The following ADRA1A variants were observed in gnomAD, a reference collection of about 807,000 sequenced individuals.
ADRA1A encodes the protein alpha-1A adrenergic receptor.
A neutral mutation model predicts 29.6 loss-of-function variants in ADRA1A; 31 were observed. The ratio of observed to expected loss-of-function variants is 1.05; its 90% CI spans 0.79 to 1.41. ADRA1A has a LOEUF of 1.41. Among genes scored for constraint, ADRA1A ranks in the 40% most tolerant of loss-of-function variants. ADRA1A has a pLI of 0.00. For synonymous variants in ADRA1A, 311 were observed against 254.3 expected, an observed-to-expected ratio of 1.22 and a Z score of -2.12; for missense variants, 619 against 601.1, an observed-to-expected ratio of 1.03 and a Z score of -0.31.
Position 26,864,318 on chromosome 8 carries a change from G to C in ADRA1A, c.652C>G (p.Leu218Val), listed in dbSNP as rs766542151. ...TTGTCGGTCTTGAGGCCAGACTTGA[G>C]GCCCCGGCTCTCCCTCTTGGCCACC... The part of the protein sequence containing the change: ...YVVAKRESRG[L>V]KSGLKTDKSD... Residue 218 changes from leucine to valine, a missense_variant, in exon 2 of 3, where the codon CTC (leucine) becomes GTC (valine). Physicochemically the swap from Leu to Val is conservative, Grantham distance 32. Transcript: ENST00000380573. The surrounding 1 kb of genome is among the most constrained non-coding windows in gnomAD (Gnocchi z 8.1). 8 of 1,614,088 alleles carry C rather than the reference G, an allele frequency of 5.0e-6. No homozygotes were observed. The highest frequency in any genetic ancestry group is 6.8e-6 in the Non-Finnish European group (8 of 1,180,020).
chr8:26,758,671 C>T (rs1195600149), intron 2 of ADRA1A, among the ~76,000 whole-genome samples: 1 of 152,204 alleles, frequency 6.6e-6, no homozygotes, highest in Non-Finnish European at 1.5e-5. Flanking sequence ...CATCGGTCTT[C>T]TCTCAACACC....
chr8:26,834,752 T>C lies in ADRA1A; in HGVS notation c.883+29335A>G, dbSNP rs579725. 2.3e-3 allele frequency among the ~76,000 whole-genome samples: 349 copies of C among 152,332 alleles called. 2 individuals are homozygous for C. The highest frequency in any genetic ancestry group is 7.7e-3 in the African/African-American group (319 of 41,572). On this transcript the variant is annotated intron_variant, in intron 2 of 2. Coordinates refer to ENST00000380573, the MANE Select transcript of ADRA1A (RefSeq NM_000680.4). ...AGAGTATCAAAGCATGTCCTCTGGC[T>C]GGGTCTACAGGACACCAACATCTGG...
intron 2 of ADRA1A, among the ~76,000 whole-genome samples, chr8:26,811,087 T>C (rs1809349409): frequency 6.6e-6 from 1 of 152,196 alleles, no homozygotes; most frequent in Non-Finnish European, 1.5e-5. Context: ...AGATGAACCT[T>C]GGGTGCATTT....
chr8:26,826,996 C>G (rs1052063076), intron 2 of ADRA1A, among the ~76,000 whole-genome samples: 3 of 152,156 alleles, frequency 2.0e-5, no homozygotes, highest in Non-Finnish European at 4.4e-5. Context: ...TATGATTGTG[C>G]CCGTTCTGCA....
chr8:26,822,228 T>C (rs930022328), intron 2 of ADRA1A, among the ~76,000 whole-genome samples: 24 of 152,232 alleles, frequency 1.6e-4, no homozygotes, highest in Non-Finnish European at 3.1e-4. Context: ...AACCAAGAGA[T>C]ATCCACCACT....
At chr8:26,780,202 C>A (rs1259793808) in intron 2 of ADRA1A, among the ~76,000 whole-genome samples, 1 of 152,146 alleles carries the variant, frequency 6.6e-6, no homozygotes, top group Non-Finnish European at 1.5e-5. Flanking sequence ...TTAGCACCTG[C>A]TCAGGCCAGG....
chr8:26,756,733 C>T (rs1805191292), exon 3 of ADRA1A: 1 of 1,614,044 alleles, frequency 6.2e-7, no homozygotes, highest in African/African-American at 1.3e-5. Context: ...GCAGTAAGGA[C>T]AACAGTCGTG....
chr8:26,789,509 T>C (rs981758933), intron 2 of ADRA1A, among the ~76,000 whole-genome samples: 18 of 152,066 alleles, frequency 1.2e-4, no homozygotes, highest in Non-Finnish European at 2.5e-4. Flanking sequence ...ATATAAAAAT[T>C]CACCAAAACA....
chr8:26,864,623 C>T lies in ADRA1A; in HGVS notation c.347G>A (p.Gly116Asp). The change falls in exon 2 of 3, where the codon GGC becomes GAC. Residue 116 changes from glycine (G) to aspartate (D), a missense_variant. Coordinates refer to ENST00000380573, the MANE Select transcript of ADRA1A (RefSeq NM_000680.4). This position sits in a 1 kb window ranked among gnomAD's most constrained non-coding sequence, Gnocchi z 8.1. ...GCGGTCGATGGAGATGATGCAGAGG[C>T]CCATGATGGACGCGGTGCAGCACAG... is the stretch of plus-strand genomic sequence containing the variant. ...DVLCCTASIM[G>D]LCIISIDRYI... The T allele has an allele frequency of 3.1e-6, 5 of 1,614,142 alleles. No homozygotes were observed. In the South Asian group the frequency reaches 4.4e-5, roughly 14 times the overall value.
rs1388185590 is a variant in ADRA1A, at chr8:26,866,199, G to T, written c.-686-544C>A. 6.6e-6 allele frequency among the ~76,000 whole-genome samples: 1 copy of T among 152,198 alleles called. No individual in the cohort carries two copies. The highest frequency in any genetic ancestry group is 2.4e-5 in the African/African-American group (1 of 41,458). Reference sequence around the variant, plus strand: ...GCCGGTGGAATTCGCACTCGGGTGTGCAGAGCGCACCGGTCTGTCCACCAG... The same window carrying T: ...GCCGGTGGAATTCGCACTCGGGTGTTCAGAGCGCACCGGTCTGTCCACCAG... On this transcript the variant is annotated intron_variant, in intron 1 of 2. Coordinates refer to ENST00000380573, the MANE Select transcript of ADRA1A (RefSeq NM_000680.4). The surrounding 1 kb of genome is among the most constrained non-coding windows in gnomAD (Gnocchi z 5.7).
chr8:26,778,767 G>A (rs1444114704), intron 2 of ADRA1A, among the ~76,000 whole-genome samples: 1 of 141,698 alleles, frequency 7.1e-6, no homozygotes, highest in East Asian at 2.1e-4. Flanking sequence ...ACACAGGAAG[G>A]GGAACATCAC....
At chr8:26,759,467 T>G (rs975466405) in intron 2 of ADRA1A, among the ~76,000 whole-genome samples, 1 of 152,246 alleles carries the variant, frequency 6.6e-6, no homozygotes, top group Admixed American at 6.5e-5. Context: ...ACAGAAGTAC[T>G]TTTTAATAGC....
chr8:26,753,751 A>C (rs2291775), downstream of ADRA1A, among the ~76,000 whole-genome samples: 1 of 152,206 alleles, frequency 6.6e-6, no homozygotes. Flanking sequence ...TTTTCTTTGC[A>C]CTACCCACTC....
intron 2 of ADRA1A, among the ~76,000 whole-genome samples, chr8:26,836,836 A>G (rs1241045119): frequency 6.6e-6 from 1 of 152,244 alleles, no homozygotes; most frequent in African/African-American, 2.4e-5. Flanking sequence ...AGGAGGGGCC[A>G]GCAGTGGTAT....
intron 2 of ADRA1A, among the ~76,000 whole-genome samples, chr8:26,772,730 C>T (rs1806262311): frequency 6.6e-6 from 1 of 152,110 alleles, no homozygotes; most frequent in Non-Finnish European, 1.5e-5. Context: ...AGTCAAAAAG[C>T]TCATCAATAT....
At chr8:26,824,778 C>G (rs1286306607) in intron 2 of ADRA1A, among the ~76,000 whole-genome samples, 5 of 152,192 alleles carry the variant, frequency 3.3e-5, no homozygotes, top group Admixed American at 6.5e-5. Context: ...ACCATAGCAT[C>G]ATTTCATTTC....
chr8:26,774,411 G>A lies in ADRA1A; in HGVS notation c.884-3745C>T, dbSNP rs181036548. On this transcript the variant is annotated intron_variant, in intron 2 of 2. Coordinates refer to ENST00000380573, the MANE Select transcript of ADRA1A (RefSeq NM_000680.4). ...GGGCTAGGCATGGTGGCTCACGCCTGTAATCACTGCACTTTGGGAGGCCAA... is the reference window on the plus strand; with the variant it reads ...GGGCTAGGCATGGTGGCTCACGCCTATAATCACTGCACTTTGGGAGGCCAA... Among the ~76,000 whole-genome samples the A allele has an allele frequency of 7.2e-5, 11 of 152,360 alleles. No individual in the cohort carries two copies. In the East Asian group the frequency reaches 9.6e-4, roughly 13 times the overall value.
chr8:26,785,912 T>A (rs1452532966), intron 2 of ADRA1A, among the ~76,000 whole-genome samples: 1 of 152,184 alleles, frequency 6.6e-6, no homozygotes, highest in Non-Finnish European at 1.5e-5. Flanking sequence ...ATTGCCCCAG[T>A]CTTTCCACGT....
At chr8:26,800,236 G>A (rs1420530567) in intron 2 of ADRA1A, among the ~76,000 whole-genome samples, 1 of 152,020 alleles carries the variant, frequency 6.6e-6, no homozygotes, top group African/African-American at 2.4e-5. Flanking sequence ...CCTAGCCTGG[G>A]TTACAGAGTG....
Sources: allele counts gnomAD v4.1 joint callset (sites outside exome capture counted in the v4.1 genomes callset), GRCh38; gene constraint gnomAD v4.1.1; non-coding constraint Gnocchi (gnomAD v3.1); transcripts MANE v1.5; gene names NCBI Gene and HGNC (gene_info 2026-07-23, HGNC 2026-07-21).